Variants in TCF7 observed in about 807,000 individuals in gnomAD.
TCF7 encodes the protein T-cell-factor-7.
Under a neutral mutation model 46.8 loss-of-function variants are expected in TCF7, and 19 were observed. The ratio of observed to expected loss-of-function variants is 0.41; its 90% CI spans 0.28 to 0.60. The LOEUF is 0.60. TCF7 is among the 20% of genes least tolerant of loss of function. The probability of loss-of-function intolerance (pLI) is 0.35; values close to 1 mark genes in which losing one functional copy is unlikely to be tolerated. For synonymous variants in TCF7, 245 were observed against 213.4 expected (o/e 1.15, Z -1.29); for missense variants, 547 against 504.6 (o/e 1.08, Z -0.81).
Position 134,116,025 on chromosome 5 carries a change from C to A in TCF7, c.433C>A (p.Pro145Thr). Residue 145 changes from proline to threonine, a missense_variant, in exon 3 of 10, where the codon CCC becomes ACC. Pro to Thr is a conservative substitution (Grantham distance 38). Coordinates refer to ENST00000342854, the MANE Select transcript of TCF7 (RefSeq NM_003202.5). ...SGAGQHPQPQ[P>T]PLHKANQPPH... is the part of the protein sequence containing the mutation. ...AGCAGGGCAGCACCCCCAGCCGCAG[C>A]CCCCGCTGGTAAGTGGACCCCGCAG... The A allele has an allele frequency of 6.2e-7, 1 of 1,611,898 alleles. No homozygotes were observed. The highest frequency in any genetic ancestry group is 8.5e-7 in the Non-Finnish European group (1 of 1,179,164).
Position 134,142,197 on chromosome 5 carries a change from A to G in TCF7, c.648A>G (p.Pro216=), listed in dbSNP as rs150536775. 4 of 1,613,940 alleles carry G rather than the reference A, an allele frequency of 2.5e-6. No individual in the cohort carries two copies. In the Admixed American group the frequency reaches 5.0e-5, roughly 20 times the overall value. ...LPHTVSWFTH[P]SLMLGSGVPG... ...TTCCTGCCTCCAGGTTCACCCACCC[A>G]TCCTTGATGCTAGGTTCTGGTGTAC... Residue 216 remains proline, a synonymous_variant, in exon 6 of 10, where the codon CCA becomes CCG. Transcript: ENST00000342854.
chr5:134,146,191 C>T lies in TCF7; in HGVS notation c.1076-33C>T, dbSNP rs374415145. On this transcript the variant is annotated intron_variant, in intron 9 of 9. Coordinates refer to ENST00000342854, the MANE Select transcript of TCF7 (RefSeq NM_003202.5). ...TGGTGTATGACTATGAATTCACCCT[C>T]TGTTTACAGATAACTCTCTTCACTA... 7.5e-4 allele frequency: 1,214 copies of T among 1,614,128 alleles called. 1 individual carries two copies. Among genetic ancestry groups the T allele is most frequent in the Non-Finnish European group, 9.9e-4 (1,172 of 1,180,004 alleles).
chr5:134,148,057 T>C lies in TCF7; in HGVS notation c.*1754T>C, dbSNP rs1453390343. 3 of 151,688 alleles carry C rather than the reference T, an allele frequency of 2.0e-5. No individual in the cohort carries two copies. Among genetic ancestry groups the C allele is most frequent in the Non-Finnish European group, 4.4e-5 (3 of 67,946 alleles). 9.4% of individuals were successfully genotyped at this position (151,688 alleles called of 1,614,324 possible). A position where few individuals can be genotyped will look rare whatever the true frequency, so the allele number is the denominator to read the frequency against. On this transcript the variant is annotated 3_prime_UTR_variant, in exon 10 of 10. Transcript: ENST00000342854. The stretch of plus-strand genomic sequence containing the variant: ...AGCCTTTAGTTCCTACTTTAGCCAC[T>C]GGTTTCTCAGAATCCAAAGATCACA...
Position 134,146,622 on chromosome 5 carries a change from C to T in TCF7, c.*319C>T. On this transcript the variant is annotated 3_prime_UTR_variant, in exon 10 of 10. Coordinates refer to ENST00000342854, the MANE Select transcript of TCF7 (RefSeq NM_003202.5). ...GCCAGGGGTCCTGTTAACGTCATCTCAGGGTCCAGACCCTGAAGATTTCAG... is the reference window on the plus strand; with the variant it reads ...GCCAGGGGTCCTGTTAACGTCATCTTAGGGTCCAGACCCTGAAGATTTCAG... The T allele has an allele frequency of 1.5e-6, 1 of 679,490 alleles. No homozygotes were observed. 42.1% of individuals were successfully genotyped at this position (679,490 alleles called of 1,614,324 possible).
chr5:134,108,789 C>T, the TCF7 span, among the ~76,000 whole-genome samples: 2 of 152,154 alleles, frequency 1.3e-5, no homozygotes, highest in African/African-American at 4.8e-5. Context: ...TGGCCAAACT[C>T]TCCCCCAGGG....
chr5:134,128,513 A>T (rs1424230737), intron 3 of TCF7, among the ~76,000 whole-genome samples: 1 of 151,870 alleles, frequency 6.6e-6, no homozygotes, highest in Non-Finnish European at 1.5e-5. Context: ...TGAGCGCTTC[A>T]TGACCGTGGC....
At chr5:134,130,729 C>T (rs1758000484) in intron 3 of TCF7, among the ~76,000 whole-genome samples, 1 of 152,174 alleles carries the variant, frequency 6.6e-6, no homozygotes, top group Non-Finnish European at 1.5e-5. Context: ...TCCCACCTTC[C>T]TAACCTGTAT....
intron 3 of TCF7, 105 bp from the exon 4 acceptor site, chr5:134,137,954 G>C (rs889818353): frequency 3.2e-6 from 3 of 933,144 alleles, no homozygotes; most frequent in Non-Finnish European, 3.2e-6. Flanking sequence ...CTGTGGTTTT[G>C]GCCACCACTT....
chr5:134,113,454 C>T (rs1034705548), upstream of TCF7, among the ~76,000 whole-genome samples: 10 of 152,262 alleles, frequency 6.6e-5, no homozygotes, highest in Admixed American at 5.9e-4. Context: ...GCACGGCTGT[C>T]TTCCGGCCCG....
At position 134,143,597 on chromosome 5, in the gene TCF7, G is replaced by A. The variant is rs1760217557; in HGVS notation, c.1032G>A (p.Lys344=). The change falls in exon 9 of 10, where the codon AAG becomes AAA. Residue 344 remains lysine, a synonymous_variant. Transcript: ENST00000342854. ...PGWSARDNYG[K]KKRRSREKHQ... ...CCTCCTTTTGTTCCCTGCAGGGGAA[G>A]AAGAAGAGGCGGTCGAGGGAAAAGC... 1 of 1,614,136 alleles carries A rather than the reference G, an allele frequency of 6.2e-7. No homozygotes were observed. Among genetic ancestry groups the A allele is most frequent in the Non-Finnish European group, 8.5e-7 (1 of 1,180,022 alleles).
intron 2 of TCF7, 105 bp from the exon 3 acceptor site, chr5:134,115,804 C>T: frequency 6.4e-7 from 1 of 1,561,572 alleles, no homozygotes; most frequent in Non-Finnish European, 8.7e-7. Flanking sequence ...AAGTCAGGAA[C>T]TTGCAGGGGA....
At chr5:134,116,266 G>C (rs1391655372) in intron 3 of TCF7, among the ~76,000 whole-genome samples, 2 of 152,260 alleles carry the variant, frequency 1.3e-5, no homozygotes, top group Non-Finnish European at 2.9e-5. Context: ...TGTCTTCCCA[G>C]CTTGCTCATA....
At chr5:134,113,435 C>CGGAGG (rs1241742017), upstream of TCF7, among the ~76,000 whole-genome samples, 1 of 152,210 alleles carries the variant, frequency 6.6e-6, no homozygotes, top group Non-Finnish European at 1.5e-5. Context: ...GGCCTGGACC[C>CGGAGG]GGAGGGAGGC....
chr5:134,142,638 C>T, intron 6 of TCF7, 83 bp from the exon 7 acceptor site: 2 of 1,555,628 alleles, frequency 1.3e-6, no homozygotes, highest in East Asian at 2.3e-5. Flanking sequence ...CTTAGGCACA[C>T]TCTAGGCCCA....
intron 3 of TCF7, among the ~76,000 whole-genome samples, chr5:134,122,929 G>A (rs551993501): frequency 9.2e-4 from 140 of 152,258 alleles, no homozygotes; most frequent in African/African-American, 2.8e-3. Context: ...GAGGGAAGGC[G>A]TTGAGTCTGC....
Position 134,138,994 on chromosome 5 carries a change from C to T in TCF7, c.591C>T (p.Ser197=). The T allele has an allele frequency of 6.2e-7, 1 of 1,614,024 alleles. No individual in the cohort carries two copies. Among genetic ancestry groups the T allele is most frequent in the Non-Finnish European group, 8.5e-7 (1 of 1,180,012 alleles). ...CCCCTGACCTCTCTGGCTTCTACTC[C>T]CTGACCTCAGGCAGCATGGGGCAGC... ...LQTPDLSGFY[S]LTSGSMGQLP... The change falls in exon 5 of 10, where the codon TCC becomes TCT. Residue 197 remains serine (S), a synonymous_variant. Transcript: ENST00000342854.
At chr5:134,109,425 T>G in the TCF7 span, among the ~76,000 whole-genome samples, 1 of 152,112 alleles carries the variant, frequency 6.6e-6, no homozygotes, top group Non-Finnish European at 1.5e-5. Flanking sequence ...ACGCCGCTTG[T>G]CTCTCACCTC....
At position 134,142,177 on chromosome 5, in the gene TCF7, G is replaced by A. The variant is rs368462034; in HGVS notation, c.636-8G>A. On this transcript the variant is annotated splice_region_variant and splice_polypyrimidine_tract_variant and intron_variant, in intron 5 of 9. Coordinates refer to ENST00000342854, the MANE Select transcript of TCF7 (RefSeq NM_003202.5). ...TTGGCTCAGTGTTAACTTTCTTCCT[G>A]CCTCCAGGTTCACCCACCCATCCTT... 1.9e-6 allele frequency: 3 copies of A among 1,613,902 alleles called. No homozygotes were observed. The highest frequency in any genetic ancestry group is 2.2e-5 in the East Asian group (1 of 44,892).
At chr5:134,118,871 T>A (rs1756195871) in intron 3 of TCF7, among the ~76,000 whole-genome samples, 1 of 152,166 alleles carries the variant, frequency 6.6e-6, no homozygotes, top group African/African-American at 2.4e-5. Context: ...AGCCTCAAAC[T>A]CCTGGGCTCA....
Sources: allele counts gnomAD v4.1 joint callset (sites outside exome capture counted in the v4.1 genomes callset), GRCh38; gene constraint gnomAD v4.1.1; transcripts MANE v1.5; gene names NCBI Gene and HGNC (gene_info 2026-07-23, HGNC 2026-07-21).